KIF26B: variants seen among roughly 807,000 people sequenced by gnomAD.
The protein encoded by KIF26B is kinesin family member 26B.
A neutral mutation model predicts 151.2 loss-of-function variants in KIF26B; 63 were observed. That is an observed-to-expected ratio of 0.42 (90% CI 0.34 to 0.51). The LOEUF is 0.51. KIF26B is among the 20% of genes least tolerant of loss of function. The pLI is 0.07. For missense variants in KIF26B, 2,813 were observed against 2,913.6 expected (o/e 0.97, Z 0.79); for synonymous variants, 1,357 against 1,262.1 (o/e 1.08, Z -1.59).
intron 4 of KIF26B, among the ~76,000 whole-genome samples, chr1:245,420,711 G>T (rs1399689122): frequency 2.6e-5 from 4 of 152,258 alleles, no homozygotes; most frequent in African/African-American, 9.6e-5. Flanking sequence ...CTGCTCTGCA[G>T]GGTCGCTCCG....
chr1:245,165,575 C>T (rs1230855709), intron 2 of KIF26B, among the ~76,000 whole-genome samples: 1 of 151,996 alleles, frequency 6.6e-6, no homozygotes, highest in Non-Finnish European at 1.5e-5. Context: ...CATGAGCTCT[C>T]CACAGATGTG....
chr1:245,631,951 T>C (rs1263797124), intron 9 of KIF26B, among the ~76,000 whole-genome samples: 1 of 152,090 alleles, frequency 6.6e-6, no homozygotes, highest in East Asian at 1.9e-4. Context: ...TTTTTCTTGG[T>C]TAGTCTAACA....
chr1:245,197,354 C>T (rs1669213684), intron 2 of KIF26B, among the ~76,000 whole-genome samples: 1 of 152,206 alleles, frequency 6.6e-6, no homozygotes, highest in Admixed American at 6.5e-5. Context: ...TAGGATTAAT[C>T]AGCCAGGAAG....
rs575433687 is a variant in KIF26B, at chr1:245,691,443, C to T, written c.5824+2636C>T. Reference sequence around the variant, plus strand: ...AGCAGAAGACCTTTGTGATGAGCTGCTGTAGATCCAGGCTCCATGATGGAT... The same window carrying T: ...AGCAGAAGACCTTTGTGATGAGCTGTTGTAGATCCAGGCTCCATGATGGAT... On this transcript the variant is annotated intron_variant, in intron 12 of 14. Coordinates refer to ENST00000407071, the MANE Select transcript of KIF26B (RefSeq NM_018012.4). 2.6e-5 allele frequency among the ~76,000 whole-genome samples: 4 copies of T among 152,332 alleles called. No individual in the cohort carries two copies. In the East Asian group the frequency reaches 7.7e-4, roughly 29 times the overall value.
rs556617931 is a variant in KIF26B at position 245,229,605 on chromosome 1, ACT to A, written c.465+72923_465+72924del. Among the ~76,000 whole-genome samples the A allele has an allele frequency of 5.9e-5, 9 of 152,248 alleles. No individual in the cohort carries two copies. In the South Asian group the frequency reaches 1.9e-3, roughly 32 times the overall value. Reference sequence around the variant, plus strand: ...TTGTTCATTAATCTGATGTATACTCACTGTGTTTGCGTTTATTTTCCTAACAT... The same window carrying A: ...TTGTTCATTAATCTGATGTATACTCAGTGTTTGCGTTTATTTTCCTAACAT... On this transcript the variant is annotated intron_variant, in intron 2 of 14. Transcript: ENST00000407071.
At chr1:245,423,888 G>A (rs1658560739) in intron 4 of KIF26B, among the ~76,000 whole-genome samples, 1 of 152,008 alleles carries the variant, frequency 6.6e-6, no homozygotes, top group African/African-American at 2.4e-5. Context: ...ACCCAGGCTG[G>A]AGTGTAGTGA....
intron 3 of KIF26B, among the ~76,000 whole-genome samples, chr1:245,378,447 A>T (rs1224566259): frequency 6.6e-6 from 1 of 152,134 alleles, no homozygotes; most frequent in African/African-American, 2.4e-5. Context: ...ATCCCTGCAC[A>T]GGGGGTGAAA....
intron 5 of KIF26B, among the ~76,000 whole-genome samples, chr1:245,551,321 A>T (rs186634084): frequency 3.7e-4 from 57 of 152,308 alleles, no homozygotes; most frequent in Middle Eastern, 6.8e-3. Context: ...GGGATTACAA[A>T]CATGAGCCAC....
At chr1:245,414,398 C>T (rs562265887) in intron 3 of KIF26B, among the ~76,000 whole-genome samples, 4 of 152,180 alleles carry the variant, frequency 2.6e-5, no homozygotes, top group Non-Finnish European at 4.4e-5. Context: ...TCCTGAGAAC[C>T]GGCTGGAGGT....
At chr1:245,283,956 G>C (rs1671115494) in intron 2 of KIF26B, among the ~76,000 whole-genome samples, 1 of 152,200 alleles carries the variant, frequency 6.6e-6, no homozygotes, top group South Asian at 2.1e-4. Context: ...ACAGTGCTGG[G>C]ATTACAGGCG....
At chr1:245,231,622 G>A (rs780318903) in intron 2 of KIF26B, among the ~76,000 whole-genome samples, 2 of 152,136 alleles carry the variant, frequency 1.3e-5, no homozygotes, top group Non-Finnish European at 2.9e-5. Context: ...TTGACCCAGC[G>A]TGATTAAATT....
intron 2 of KIF26B, among the ~76,000 whole-genome samples, chr1:245,234,020 CTAA>C (rs1670052257): frequency 6.6e-6 from 1 of 151,872 alleles, no homozygotes; most frequent in Non-Finnish European, 1.5e-5. Context: ...CCTGTCTCTA[CTAA>C]AAATACAAAA....
At chr1:245,672,386 A>T (rs935237253) in intron 10 of KIF26B, among the ~76,000 whole-genome samples, 2 of 152,224 alleles carry the variant, frequency 1.3e-5, no homozygotes, top group African/African-American at 4.8e-5. Context: ...CGTGCGCATG[A>T]AATCACAGGA....
intron 2 of KIF26B, among the ~76,000 whole-genome samples, chr1:245,270,879 T>C (rs1026087044): frequency 1.8e-4 from 28 of 152,256 alleles, no homozygotes; most frequent in African/African-American, 6.5e-4. Context: ...TCTAGGAGGT[T>C]TGTAGTTTCA....
rs147012057 is a variant in KIF26B at position 245,492,011 on chromosome 1, CT to C, written c.1167-48755del. Among the ~76,000 whole-genome samples, 177 of 152,320 alleles carry C rather than the reference CT, an allele frequency of 1.2e-3. 2 individuals carry two copies. The highest frequency in any genetic ancestry group is 3.7e-3 in the African/African-American group (153 of 41,572). ...ACCAAATTTCTCTTCACCTCAGTTT[CT>C]CTGACTGTAAAATGGAGACACAAGC... On this transcript the variant is annotated intron_variant, in intron 4 of 14. Coordinates refer to ENST00000407071, the MANE Select transcript of KIF26B (RefSeq NM_018012.4).
At chr1:245,263,190 T>C (rs903536062) in intron 2 of KIF26B, among the ~76,000 whole-genome samples, 2 of 152,060 alleles carry the variant, frequency 1.3e-5, no homozygotes, top group Admixed American at 6.5e-5. Flanking sequence ...CCCTGAAGAG[T>C]GGATTGCTGA....
intron 3 of KIF26B, among the ~76,000 whole-genome samples, chr1:245,384,304 A>G (rs896803934): frequency 5.9e-5 from 9 of 152,172 alleles, no homozygotes; most frequent in South Asian, 2.1e-4. Context: ...AAAAATAATA[A>G]TTATAGCTAC....
intron 9 of KIF26B, among the ~76,000 whole-genome samples, chr1:245,645,469 T>G (rs1489279061): frequency 1.3e-5 from 2 of 152,214 alleles, no homozygotes; most frequent in Admixed American, 1.3e-4. Flanking sequence ...GCAAGTTGCT[T>G]AAGTTTTCTG....
intron 5 of KIF26B, among the ~76,000 whole-genome samples, chr1:245,591,311 C>T (rs1216278399): frequency 6.6e-6 from 1 of 152,112 alleles, no homozygotes; most frequent in Non-Finnish European, 1.5e-5. Flanking sequence ...TTTCCAGTAG[C>T]CTCAGTAAAA....
Sources: allele counts gnomAD v4.1 joint callset (sites outside exome capture counted in the v4.1 genomes callset), GRCh38; gene constraint gnomAD v4.1.1; transcripts MANE v1.5; gene names NCBI Gene and HGNC (gene_info 2026-07-23, HGNC 2026-07-21).